Variants in SYNM observed in about 807,000 individuals in gnomAD.
SYNM encodes the protein synemin.
In SYNM, 95 loss-of-function variants were observed where a neutral mutation model predicts 104.0. That is an observed-to-expected ratio of 0.91 (90% CI 0.77 to 1.08). The LOEUF (loss-of-function observed/expected upper bound fraction) is 1.08, where lower values mean the gene tolerates loss of function less well. Ranked by LOEUF, SYNM falls within the 50% of genes least tolerant of loss-of-function variation. The pLI is 0.00. For missense variants in SYNM, 2,150 were observed against 2,052.2 expected (o/e 1.05, Z -0.92); for synonymous variants, 918 against 869.0 (o/e 1.06, Z -0.99).
rs542486798 is a variant in SYNM, at chr15:99,131,092, CT to C, written c.2733del (p.Arg912GlufsTer26). 641 of 1,603,964 alleles carry C rather than the reference CT, an allele frequency of 4.0e-4. No individual in the cohort carries two copies. The highest frequency in any genetic ancestry group is 4.1e-4 in the Non-Finnish European group (480 of 1,175,094). On this transcript the variant is annotated frameshift_variant, in exon 4 of 4. Coordinates refer to ENST00000336292, the MANE Select transcript of SYNM (RefSeq NM_145728.3). LOFTEE classifies it high-confidence loss of function. This position sits in a 1 kb window ranked among gnomAD's most constrained non-coding sequence, Gnocchi z 4.3. ...DLGSTHWKEQARSGEFHAEPT... is the reference protein window; with the variant it reads ...DLGSTHWKEQXRSGEFHAEPT... The stretch of plus-strand genomic sequence containing the variant: ...GGTTCCACTCACTGGAAAGAACAAG[CT>C]AGAAGCGGTGAATTTCATGCCGAAC...
chr15:99,115,027 T>C (rs1254852931), intron 2 of SYNM, among the ~76,000 whole-genome samples: 6 of 152,076 alleles, frequency 3.9e-5, no homozygotes, highest in Admixed American at 2.0e-4. Flanking sequence ...AACTCTGAGG[T>C]GGGCACCACT....
chr15:99,106,620 G>C (rs560958308), intron 1 of SYNM, among the ~76,000 whole-genome samples: 2 of 152,242 alleles, frequency 1.3e-5, no homozygotes, highest in South Asian at 2.1e-4. Context: ...ACACGCTGAC[G>C]TCAGATCTCT....
intron 2 of SYNM, among the ~76,000 whole-genome samples, chr15:99,123,491 C>T (rs1174953348): frequency 6.6e-6 from 1 of 152,180 alleles, no homozygotes; most frequent in Non-Finnish European, 1.5e-5. Context: ...AATGGAACTC[C>T]CCTCTGCCCC....
Position 99,132,928 on chromosome 15 carries a change from A to G in SYNM, c.4568A>G (p.Gln1523Arg). 1 of 1,613,938 alleles carries G rather than the reference A, an allele frequency of 6.2e-7. No homozygotes were observed. The change falls in exon 4 of 4, where the codon CAG (glutamine) becomes CGG (arginine). Residue 1523 changes from glutamine to arginine, a missense_variant. Transcript: ENST00000336292. ...GCCCACAGAGAACAGGGCAAGGAGCAGGCCATGTTTGATAAGAAGGTGCAG... is the reference window on the plus strand; with the variant it reads ...GCCCACAGAGAACAGGGCAAGGAGCGGGCCATGTTTGATAAGAAGGTGCAG... ...DQAHREQGKE[Q>R]AMFDKKVQLQ...
chr15:99,130,416 A>G lies in SYNM; in HGVS notation c.2056A>G (p.Ile686Val), dbSNP rs1555485599. ...TGGGGAAAGGAAAACAAAGACTGAA[A>G]TAGTTGTGGAGTCTAAACTGACTGA... is the stretch of plus-strand genomic sequence containing the variant. ...LPGERKTKTE[I>V]VVESKLTEDV... Residue 686 changes from isoleucine to valine, a missense_variant, in exon 4 of 4, where the codon ATA becomes GTA. Coordinates refer to ENST00000336292, the MANE Select transcript of SYNM (RefSeq NM_145728.3). 13 of 1,613,876 alleles carry G rather than the reference A, an allele frequency of 8.1e-6. No individual in the cohort carries two copies. The highest frequency in any genetic ancestry group is 1.1e-5 in the Non-Finnish European group (13 of 1,179,868).
At chr15:99,139,661 T>G, downstream of SYNM, 2 of 1,431,252 alleles carry the variant, frequency 1.4e-6, no homozygotes, top group Non-Finnish European at 1.9e-6. Context: ...AAAAGTAGTA[T>G]TTTTAAAAAT....
Position 99,133,349 on chromosome 15 carries a change from C to G in SYNM, c.*291C>G. ...TGGAGATGAATTTCTATGTTTTGCA[C>G]CTGGTCACAGACATGGCTTGCATCT... On this transcript the variant is annotated 3_prime_UTR_variant, in exon 4 of 4. Coordinates refer to ENST00000336292, the MANE Select transcript of SYNM (RefSeq NM_145728.3). 2.5e-6 allele frequency: 1 copy of G among 402,836 alleles called. No homozygotes were observed. The highest frequency in any genetic ancestry group is 3.0e-5 in the South Asian group (1 of 33,618). 25.0% of individuals were successfully genotyped at this position (402,836 alleles called of 1,614,324 possible).
Position 99,105,838 on chromosome 15 carries a change from G to A in SYNM, c.639G>A (p.Leu213=). The stretch of plus-strand genomic sequence containing the variant: ...AGGTGCGCGAGCTGGAGGAGGCGCT[G>A]CGGCGCGGCCAGGAGAGCAGACTCC... ...EDEVRELEEA[L]RRGQESRLQA... Residue 213 remains leucine (L), a synonymous_variant, in exon 1 of 4, where the codon CTG becomes CTA. Coordinates refer to ENST00000336292, the MANE Select transcript of SYNM (RefSeq NM_145728.3). 1 of 1,542,744 alleles carries A rather than the reference G, an allele frequency of 6.5e-7. No individual in the cohort carries two copies. Among genetic ancestry groups the A allele is most frequent in the Non-Finnish European group, 8.7e-7 (1 of 1,146,068 alleles).
chr15:99,116,630 T>TGGCAAGAGAGCG (rs782453697), intron 2 of SYNM, among the ~76,000 whole-genome samples: 1 of 143,414 alleles, frequency 7.0e-6, no homozygotes, highest in Non-Finnish European at 1.5e-5. Flanking sequence ...GCATGTCACA[T>TGGCAAGAGAGCG]GGCAAGAGAG....
rs1400669717 is a variant in SYNM at position 99,115,873 on chromosome 15, C to G, written c.935+2158C>G. ...TTGTAGTTTACATTGCAGCCTGGGC[C>G]GGCCTCACTGTCTTTATTTTCTGGA... On this transcript the variant is annotated intron_variant, in intron 2 of 3. Transcript: ENST00000336292. 5.3e-5 allele frequency among the ~76,000 whole-genome samples: 8 copies of G among 152,234 alleles called. 1 individual carries two copies. Among genetic ancestry groups the G allele is most frequent in the Admixed American group, 5.2e-4 (8 of 15,280 alleles).
chr15:99,112,251 G>T (rs1321233916), intron 1 of SYNM, among the ~76,000 whole-genome samples: 2 of 152,140 alleles, frequency 1.3e-5, no homozygotes, highest in Non-Finnish European at 2.9e-5. Flanking sequence ...ATGTTTATAG[G>T]TCTAGCTTAG....
In SYNM at chr15:99,105,142, G is replaced by C. The variant is rs139850386; in HGVS notation, c.-58G>C. ...GTCGCGGCGGAGAGGACGAGACCGG[G>C]ACAAGACCAGGGCAGGAGGGAGCCG... On this transcript the variant is annotated 5_prime_UTR_variant, in exon 1 of 4. Transcript: ENST00000336292. 7.5e-4 allele frequency: 1,149 copies of C among 1,535,066 alleles called. 12 individuals carry two copies. In the African/African-American group the frequency reaches 0.014, roughly 19 times the overall value.
At chr15:99,110,055 G>A (rs139248561) in intron 1 of SYNM, among the ~76,000 whole-genome samples, 155 of 152,298 alleles carry the variant, frequency 1.0e-3, no homozygotes, top group Non-Finnish European at 1.6e-3. Flanking sequence ...GGAAGTGCTC[G>A]AGGCTTGGAC....
chr15:99,139,811 T>C (rs1166690880), downstream of SYNM: 31 of 1,187,680 alleles, frequency 2.6e-5, no homozygotes, highest in African/African-American at 3.2e-5. Flanking sequence ...TATTAATATA[T>C]AGGCTGTCTA....
Position 99,113,658 on chromosome 15 carries a change from A to C in SYNM, c.878A>C (p.Asp293Ala). The change falls in exon 2 of 4, where the codon GAC (aspartate) becomes GCC (alanine). Residue 293 changes from aspartate (D) to alanine (A), a missense_variant. Transcript: ENST00000336292. ...TTGGCCATGGCTGACTGGCTGCGGG[A>C]CTATCAGGACCTCCTGCAGGTGAAG... ...LTLAMADWLR[D>A]YQDLLQVKTG... The C allele has an allele frequency of 6.2e-7, 1 of 1,613,526 alleles. No homozygotes were observed. The highest frequency in any genetic ancestry group is 8.5e-7 in the Non-Finnish European group (1 of 1,179,696).
At position 99,129,591 on chromosome 15, in the gene SYNM, C is replaced by G. The variant is rs781827727; in HGVS notation, c.1231C>G (p.Gln411Glu). The change falls in exon 4 of 4, where the codon CAG becomes GAG. Residue 411 changes from glutamine (Q) to glutamate (E), a missense_variant. Physicochemically the swap from Gln to Glu is conservative, Grantham distance 29. Transcript: ENST00000336292. Reference protein sequence around the residue: ...SGYSSSATTQQENSYGKAVSS... With the variant: ...SGYSSSATTQEENSYGKAVSS... ...ATATTCTTCCTCGGCCACTACCCAG[C>G]AGGAAAACTCATACGGAAAAGCCGT... The G allele has an allele frequency of 1.9e-6, 3 of 1,613,954 alleles. No individual in the cohort carries two copies. Among genetic ancestry groups the G allele is most frequent in the Non-Finnish European group, 1.7e-6 (2 of 1,179,880 alleles).
chr15:99,129,113 T>A, intron 3 of SYNM: 1 of 500,256 alleles, frequency 2.0e-6, no homozygotes, highest in Non-Finnish European at 3.5e-6. Context: ...GATGAGTGAG[T>A]ATTTTAATAT....
chr15:99,112,237 A>G (rs1006254640), intron 1 of SYNM, among the ~76,000 whole-genome samples: 4 of 152,214 alleles, frequency 2.6e-5, no homozygotes, highest in African/African-American at 9.6e-5. Context: ...TTCTACAAAG[A>G]TAAATGTTTA....
Position 99,105,544 on chromosome 15 carries a change from G to A in SYNM, c.345G>A (p.Ala115=). 1.6e-6 allele frequency: 2 copies of A among 1,214,612 alleles called. No homozygotes were observed. Among genetic ancestry groups the A allele is most frequent in the African/African-American group, 1.6e-5 (1 of 62,586 alleles). 75.2% of individuals were successfully genotyped at this position (1,214,612 alleles called of 1,614,324 possible). The change falls in exon 1 of 4, where the codon GCG becomes GCA. Residue 115 remains alanine (A), a synonymous_variant. Transcript: ENST00000336292. The stretch of plus-strand genomic sequence containing the variant: ...GCCGCCTGGACGCCGAGCTGGGTGC[G>A]CAGCAGCGCGAGCTGCAGGAGGCGC... ...ARGRLDAELG[A]QQRELQEALG... is the part of the protein sequence containing the mutation.
Sources: allele counts gnomAD v4.1 joint callset (sites outside exome capture counted in the v4.1 genomes callset), GRCh38; gene constraint gnomAD v4.1.1; non-coding constraint Gnocchi (gnomAD v3.1); transcripts MANE v1.5; gene names NCBI Gene and HGNC (gene_info 2026-07-23, HGNC 2026-07-21).